The following DGKH variants were observed in gnomAD, a reference collection of about 807,000 sequenced individuals.
DGKH encodes diacylglycerol kinase eta.
Under a neutral mutation model 159.3 loss-of-function variants are expected in DGKH, and 90 were observed. The ratio of observed to expected loss-of-function variants is 0.57; its 90% CI spans 0.48 to 0.67. DGKH has a LOEUF of 0.67. DGKH is among the 30% of genes least tolerant of loss of function. DGKH has a pLI of 0.00. For missense variants in DGKH, 1,181 were observed against 1,506.1 expected (o/e 0.78, Z 3.57); for synonymous variants, 536 against 553.8 (o/e 0.97, Z 0.45).
intron 1 of DGKH, chr13:42,069,442 T>C: frequency 6.4e-7 from 1 of 1,556,822 alleles, no homozygotes; most frequent in Non-Finnish European, 8.8e-7. Context: ...TTCAAGTCGA[T>C]TTAATTTATC....
intron 13 of DGKH, among the ~76,000 whole-genome samples, chr13:42,180,878 C>A (rs775895941): frequency 3.0e-4 from 46 of 152,122 alleles, no homozygotes; most frequent in Admixed American, 1.4e-3. Context: ...TCACTTTATT[C>A]CAGTTATCTC....
intron 13 of DGKH, among the ~76,000 whole-genome samples, chr13:42,182,758 G>T (rs1052879456): frequency 6.6e-6 from 1 of 152,124 alleles, no homozygotes; most frequent in African/African-American, 2.4e-5. Flanking sequence ...TTGTGTGCAC[G>T]TGTGCATGTG....
At chr13:42,175,427 A>G (rs1324794196) in intron 12 of DGKH, among the ~76,000 whole-genome samples, 1 of 152,210 alleles carries the variant, frequency 6.6e-6, no homozygotes, top group East Asian at 1.9e-4. Context: ...ATGTGATTCC[A>G]TAAACATAAC....
chr13:42,189,275 A>G lies in DGKH; in HGVS notation c.1878A>G (p.Lys626=), dbSNP rs1451214192. 6.8e-6 allele frequency: 11 copies of G among 1,614,134 alleles called. No homozygotes were observed. Among genetic ancestry groups the G allele is most frequent in the Non-Finnish European group, 9.3e-6 (11 of 1,180,044 alleles). ...EIMLRANSLK[K]AVRQVIEEAG... Reference sequence around the variant, plus strand: ...TGTTGCGGGCAAATAGTTTAAAGAAAGCAGTGAGGCAAGTCATTGAGGAAG... The same window carrying G: ...TGTTGCGGGCAAATAGTTTAAAGAAGGCAGTGAGGCAAGTCATTGAGGAAG... The change falls in exon 15 of 30, where the codon AAA becomes AAG. Residue 626 remains lysine (K), a synonymous_variant. Transcript: ENST00000337343.
intron 13 of DGKH, among the ~76,000 whole-genome samples, chr13:42,184,868 T>G (rs550577538): frequency 8.7e-5 from 8 of 91,976 alleles, no homozygotes; most frequent in African/African-American, 3.3e-4. Flanking sequence ...CCCCCATCTC[T>G]AAAAATGTTT....
chr13:42,197,095 CA>C (rs1173506293), intron 17 of DGKH, among the ~76,000 whole-genome samples: 3 of 151,578 alleles, frequency 2.0e-5, no homozygotes, highest in African/African-American at 7.3e-5. Context: ...ACTAAAAATA[CA>C]AAAATTAGCC....
intron 3 of DGKH, among the ~76,000 whole-genome samples, chr13:42,150,899 C>T (rs1331725317): frequency 6.6e-6 from 1 of 151,662 alleles, no homozygotes; most frequent in Non-Finnish European, 1.5e-5. Flanking sequence ...ATGAGATGAT[C>T]CTGGATTATC....
chr13:42,048,384 C>T (rs1289371427), upstream of DGKH, among the ~76,000 whole-genome samples: 1 of 148,096 alleles, frequency 6.8e-6, no homozygotes, highest in South Asian at 2.2e-4. This position sits in a 1 kb window ranked among gnomAD's most constrained non-coding sequence, Gnocchi z 6.7. Flanking sequence ...AGGTTTCCTG[C>T]CTCCCCCACC....
chr13:42,141,049 C>T (rs1488377650), intron 3 of DGKH, among the ~76,000 whole-genome samples: 1 of 5,666 alleles, frequency 1.8e-4, no homozygotes, highest in Non-Finnish European at 6.9e-4. Context: ...TATCCCTCCC[C>T]CCTCCCACCA....
Position 42,206,129 on chromosome 13 carries a change from G to A in DGKH, c.2584G>A (p.Gly862Arg). 7.0e-7 allele frequency: 1 copy of A among 1,433,800 alleles called. No individual in the cohort carries two copies. Among genetic ancestry groups the A allele is most frequent in the South Asian group, 1.7e-5 (1 of 59,638 alleles). 88.8% of individuals were successfully genotyped at this position (1,433,800 alleles called of 1,614,324 possible). A position where few individuals can be genotyped will look rare whatever the true frequency, so the allele number is the denominator to read the frequency against. ...TGCTGGAGGCACTAACTTTTGGGGT[G>A]GAACTAAAGAGGATGATGTAAGTAA... ...SYAGGTNFWG[G>R]TKEDDIFAAP... Residue 862 changes from glycine to arginine, a missense_variant, in exon 21 of 30, where the codon GGA (glycine) becomes AGA (arginine). Physicochemically the swap from Gly to Arg is moderately radical, Grantham distance 125 (BLOSUM62 -2). Coordinates refer to ENST00000337343, the MANE Select transcript of DGKH (RefSeq NM_178009.5).
At chr13:42,050,948 A>G (rs1183411573) in intron 1 of DGKH, among the ~76,000 whole-genome samples, 1 of 152,268 alleles carries the variant, frequency 6.6e-6, no homozygotes, top group African/African-American at 2.4e-5. Context: ...AGGATTAACC[A>G]GTAGATTTAT....
intron 1 of DGKH, among the ~76,000 whole-genome samples, chr13:42,095,062 G>A (rs1384200744): frequency 6.6e-6 from 1 of 151,236 alleles, no homozygotes; most frequent in Non-Finnish European, 1.5e-5. Context: ...CTCCTGAGAC[G>A]CTTTCCTGCT....
Position 42,236,458 on chromosome 13 carries a change from G to C in DGKH, c.*7270G>C, listed in dbSNP as rs755280689. 9.9e-5 allele frequency: 15 copies of C among 152,136 alleles called. No homozygotes were observed. The highest frequency in any genetic ancestry group is 3.3e-4 in the Admixed American group (5 of 15,270). 9.4% of individuals were successfully genotyped at this position (152,136 alleles called of 1,614,324 possible). A position where few individuals can be genotyped will look rare whatever the true frequency, so the allele number is the denominator to read the frequency against. ...TTTTTTTAAAATATAAAGCCAAAAT[G>C]AATTCACCAATATTAAGGATTTAAT... On this transcript the variant is annotated 3_prime_UTR_variant, in exon 30 of 30. Coordinates refer to ENST00000337343, the MANE Select transcript of DGKH (RefSeq NM_178009.5).
At position 42,155,737 on chromosome 13, in the gene DGKH, C is replaced by T. The variant is rs756431628; in HGVS notation, c.560C>T (p.Thr187Ile). 6.2e-7 allele frequency: 1 copy of T among 1,614,164 alleles called. No individual in the cohort carries two copies. The highest frequency in any genetic ancestry group is 1.1e-5 in the South Asian group (1 of 91,078). ...NWYACSHARP[T>I]FCNVCRESLS... ...TACGCCTGCTCCCACGCCCGACCCA[C>T]CTTCTGTAACGTGTGCAGAGAGAGT... Residue 187 changes from threonine to isoleucine, a missense_variant, in exon 5 of 30, where the codon ACC becomes ATC. Coordinates refer to ENST00000337343, the MANE Select transcript of DGKH (RefSeq NM_178009.5).
intron 29 of DGKH, among the ~76,000 whole-genome samples, chr13:42,249,249 C>T (rs1958602870): frequency 6.6e-6 from 1 of 152,066 alleles, no homozygotes; most frequent in Admixed American, 6.5e-5. Flanking sequence ...TGGCGCATGC[C>T]TGTAGTCCCA....
At chr13:42,041,750 T>C (rs1207087197) in intron 1 of DGKH, among the ~76,000 whole-genome samples, 1 of 152,178 alleles carries the variant, frequency 6.6e-6, no homozygotes, top group African/African-American at 2.4e-5. Flanking sequence ...TGGCGTCGAA[T>C]TTTGACTCTC....
chr13:42,190,307 T>G, intron 15 of DGKH, 96 bp from the exon 16 acceptor site: 1 of 1,424,846 alleles, frequency 7.0e-7, no homozygotes, highest in East Asian at 2.6e-5. Context: ...GAATTTTGTT[T>G]GGCATATGTT....
chr13:42,119,124 C>A (rs905286666), intron 1 of DGKH, among the ~76,000 whole-genome samples: 3 of 152,136 alleles, frequency 2.0e-5, no homozygotes, highest in African/African-American at 7.2e-5. Context: ...TTGGGTGACA[C>A]CAGATGCTAC....
intron 14 of DGKH, among the ~76,000 whole-genome samples, chr13:42,188,624 A>G (rs921348148): frequency 3.3e-5 from 5 of 152,346 alleles, no homozygotes; most frequent in South Asian, 2.1e-4. Context: ...TTTTATATAA[A>G]GCATCCCTTT....
Sources: allele counts gnomAD v4.1 joint callset (sites outside exome capture counted in the v4.1 genomes callset), GRCh38; gene constraint gnomAD v4.1.1; non-coding constraint Gnocchi (gnomAD v3.1); transcripts MANE v1.5; gene names NCBI Gene and HGNC (gene_info 2026-07-23, HGNC 2026-07-21).